ADGRB3: variants seen among roughly 807,000 people sequenced by gnomAD.
The protein encoded by ADGRB3 is brain-specific angiogenesis inhibitor 3.
In ADGRB3, 37 loss-of-function variants were observed where a neutral mutation model predicts 193.4. The ratio of observed to expected loss-of-function variants is 0.19; its 90% confidence interval spans 0.15 to 0.25. The LOEUF (loss-of-function observed/expected upper bound fraction) is 0.25, where lower values mean the gene tolerates loss of function less well. Ranked by LOEUF, ADGRB3 falls within the 10% of genes least tolerant of loss-of-function variation. The pLI is 1.00. For synonymous variants in ADGRB3, 690 were observed against 644.2 expected (o/e 1.07, Z -1.08); for missense variants, 1,637 against 1,852.9 (o/e 0.88, Z 2.14).
intron 20 of ADGRB3, among the ~76,000 whole-genome samples, chr6:69,316,273 A>G (rs1247339215): frequency 6.6e-6 from 1 of 151,510 alleles, no homozygotes; most frequent in East Asian, 1.9e-4. Flanking sequence ...CATCACTGTA[A>G]TAATAAAATA....
chr6:68,685,364 A>G (rs1456455332), intron 3 of ADGRB3, among the ~76,000 whole-genome samples: 8 of 152,170 alleles, frequency 5.3e-5, no homozygotes, highest in Non-Finnish European at 8.8e-5. Flanking sequence ...AGAACAAGAG[A>G]GAACTTTGAG....
intron 3 of ADGRB3, among the ~76,000 whole-genome samples, chr6:68,894,530 G>T (rs904776947): frequency 6.6e-6 from 1 of 151,854 alleles, no homozygotes; most frequent in Non-Finnish European, 1.5e-5. Context: ...GCCCTCAAAA[G>T]ACTGCACTTT....
intron 11 of ADGRB3, among the ~76,000 whole-genome samples, chr6:68,995,646 G>A (rs1340237127): frequency 6.6e-6 from 1 of 152,190 alleles, no homozygotes; most frequent in Non-Finnish European, 1.5e-5. Flanking sequence ...ATCAAAGGAA[G>A]TATACACAAA....
intron 3 of ADGRB3, among the ~76,000 whole-genome samples, chr6:68,662,186 A>T (rs1393138567): frequency 6.6e-6 from 1 of 151,568 alleles, no homozygotes; most frequent in African/African-American, 2.4e-5. Flanking sequence ...TCTGTCACTT[A>T]ATGGCTATGG....
chr6:69,360,801 C>T, intron 28 of ADGRB3, 68 bp from the exon 29 acceptor site: 3 of 1,435,010 alleles, frequency 2.1e-6, no homozygotes, highest in Admixed American at 4.6e-5. Flanking sequence ...AGCGAGACAA[C>T]ATAATATAAT....
chr6:69,165,462 A>G (rs1200315105), intron 17 of ADGRB3, among the ~76,000 whole-genome samples: 1 of 151,658 alleles, frequency 6.6e-6, no homozygotes, highest in Non-Finnish European at 1.5e-5. Context: ...TTCCACAAAC[A>G]CACCATGCTC....
chr6:69,146,355 G>A (rs779740959), intron 17 of ADGRB3, among the ~76,000 whole-genome samples: 5 of 152,226 alleles, frequency 3.3e-5, no homozygotes, highest in African/African-American at 4.8e-5. Context: ...GGAGAATCCA[G>A]ACAGAGGAAA....
chr6:69,114,906 C>T (rs569773705), intron 17 of ADGRB3, among the ~76,000 whole-genome samples: 2 of 152,282 alleles, frequency 1.3e-5, no homozygotes, highest in African/African-American at 4.8e-5. Context: ...TACCATCTCA[C>T]ACCAGTTAGA....
intron 10 of ADGRB3, among the ~76,000 whole-genome samples, chr6:68,983,762 T>A (rs1768994438): frequency 1.3e-5 from 2 of 152,054 alleles, no homozygotes; most frequent in South Asian, 4.1e-4. Flanking sequence ...TACAAATTCT[T>A]ATATGTTAAA....
chr6:68,864,746 G>A (rs1765245027), intron 3 of ADGRB3, among the ~76,000 whole-genome samples: 1 of 152,176 alleles, frequency 6.6e-6, no homozygotes, highest in Non-Finnish European at 1.5e-5. Flanking sequence ...TGTTCTGGGA[G>A]CTCCTGGGTT....
intron 17 of ADGRB3, among the ~76,000 whole-genome samples, chr6:69,191,718 T>A (rs900383199): frequency 2.6e-5 from 4 of 152,164 alleles, no homozygotes; most frequent in African/African-American, 4.8e-5. Context: ...CAGTTTTCTA[T>A]GTGCTGAAAA....
In ADGRB3 at chr6:68,987,691, C is replaced by T. The variant is rs560095885; in HGVS notation, c.1735-6077C>T. Among the ~76,000 whole-genome samples, 3 of 152,194 alleles carry T rather than the reference C, an allele frequency of 2.0e-5. No individual in the cohort carries two copies. The South Asian group carries it at 6.2e-4, about 32-fold the overall frequency. ...GTCACTACTTAGGAGCTATGCAATC[C>T]TGGAGAATGCAGTTAACCTTACTAA... is the stretch of plus-strand genomic sequence containing the variant. On this transcript the variant is annotated intron_variant, in intron 10 of 31. Transcript: ENST00000370598.
In ADGRB3 at chr6:68,817,233, A is replaced by G. The variant is rs1767647559; in HGVS notation, c.758-113326A>G. Among the ~76,000 whole-genome samples, 3 of 148,224 alleles carry G rather than the reference A, an allele frequency of 2.0e-5. No individual in the cohort carries two copies. The South Asian group carries it at 6.5e-4, about 32-fold the overall frequency. On this transcript the variant is annotated intron_variant, in intron 3 of 31. Transcript: ENST00000370598. ...TGTATCCTGCTTGACATAAATACCA[A>G]TAATCAAGGGCCTGTTTTATCAATT...
intron 17 of ADGRB3, among the ~76,000 whole-genome samples, chr6:69,182,384 A>G (rs1321489092): frequency 1.3e-5 from 2 of 149,088 alleles, no homozygotes; most frequent in African/African-American, 4.9e-5. Flanking sequence ...AAAATGAAAT[A>G]AAATAAAAAT....
At chr6:69,033,495 T>G (rs1044102452) in intron 13 of ADGRB3, among the ~76,000 whole-genome samples, 1 of 152,210 alleles carries the variant, frequency 6.6e-6, no homozygotes, top group African/African-American at 2.4e-5. Context: ...TTAACTGAAG[T>G]CTTTTGAATA....
chr6:69,174,938 G>T (rs773332916), intron 17 of ADGRB3, among the ~76,000 whole-genome samples: 2 of 152,008 alleles, frequency 1.3e-5, no homozygotes, highest in Non-Finnish European at 2.9e-5. Flanking sequence ...ACTGTCTTTT[G>T]CCCATTTCTT....
At chr6:69,118,259 T>C (rs1046425723) in intron 17 of ADGRB3, among the ~76,000 whole-genome samples, 2 of 152,190 alleles carry the variant, frequency 1.3e-5, no homozygotes, top group African/African-American at 4.8e-5. Flanking sequence ...TTCTAACTTA[T>C]GCATTGATGA....
chr6:69,318,861 G>GTATA lies in ADGRB3; in HGVS notation c.2815-5999_2815-5996dup, dbSNP rs71536460. Among the ~76,000 whole-genome samples the GTATA allele has an allele frequency of 6.0e-3, 890 of 147,854 alleles. 7 individuals are homozygous for GTATA. Among genetic ancestry groups the GTATA allele is most frequent in the African/African-American group, 0.019 (784 of 40,630 alleles). On this transcript the variant is annotated intron_variant, in intron 20 of 31. Coordinates refer to ENST00000370598, the MANE Select transcript of ADGRB3 (RefSeq NM_001704.3). ...GTATATATATATAATATGTATAACT[G>GTATA]TATATATATATATATGTATGTATAA...
Position 69,285,148 on chromosome 6 carries a change from G to A in ADGRB3, c.2815-39724G>A, listed in dbSNP as rs75957238. On this transcript the variant is annotated intron_variant, in intron 20 of 31. Coordinates refer to ENST00000370598, the MANE Select transcript of ADGRB3 (RefSeq NM_001704.3). The stretch of plus-strand genomic sequence containing the variant: ...AAATAATCCATAGGGATTGACAGTA[G>A]TAATAGTTCCAATGATCAAGAAGTC... 2.5e-4 allele frequency among the ~76,000 whole-genome samples: 38 copies of A among 152,312 alleles called. 2 individuals are homozygous for A. In the East Asian group the frequency reaches 7.3e-3, roughly 29 times the overall value.
Sources: allele counts gnomAD v4.1 joint callset (sites outside exome capture counted in the v4.1 genomes callset), GRCh38; gene constraint gnomAD v4.1.1; transcripts MANE v1.5; gene names NCBI Gene and HGNC (gene_info 2026-07-23, HGNC 2026-07-21).